The following ROBO1 variants were observed in gnomAD, a reference collection of about 807,000 sequenced individuals.
The protein encoded by ROBO1 is roundabout guidance receptor 1, also known as roundabout homolog 1.
Under a neutral mutation model 195.9 loss-of-function variants are expected in ROBO1, and 149 were observed. The ratio of observed to expected loss-of-function variants is 0.76; its 90% confidence interval spans 0.67 to 0.87. The LOEUF (loss-of-function observed/expected upper bound fraction) is 0.87. Ranked by LOEUF, ROBO1 falls within the 40% of genes least tolerant of loss-of-function variation. The pLI is 0.00. For missense variants in ROBO1, 1,933 were observed against 2,068.3 expected (o/e 0.93, Z 1.27); for synonymous variants, 816 against 733.2 (o/e 1.11, Z -1.82).
chr3:78,611,767 A>T (rs1433223723), intron 28 of ROBO1, among the ~76,000 whole-genome samples: 1 of 152,170 alleles, frequency 6.6e-6, no homozygotes, highest in Non-Finnish European at 1.5e-5. Context: ...AGTTAAAATG[A>T]GGTCACCGGG....
intron 1 of ROBO1, among the ~76,000 whole-genome samples, chr3:79,603,515 A>G (rs897526926): frequency 2.2e-4 from 34 of 151,976 alleles, no homozygotes; most frequent in African/African-American, 7.7e-4. Flanking sequence ...ACTTGAGATC[A>G]ACTGCTGCTG....
chr3:79,003,743 C>T (rs996772817), intron 3 of ROBO1, among the ~76,000 whole-genome samples: 7 of 152,056 alleles, frequency 4.6e-5, no homozygotes, highest in Non-Finnish European at 1.0e-4. Context: ...GTATTTTAAC[C>T]CGGAAGCCTT....
chr3:79,766,361 C>T (rs141175633), intron 1 of ROBO1, among the ~76,000 whole-genome samples: 61 of 151,736 alleles, frequency 4.0e-4, no homozygotes, highest in African/African-American at 1.4e-3. Context: ...GGGGTGCACA[C>T]TAAGGATATT....
At chr3:79,298,881 T>A (rs1219080494) in intron 2 of ROBO1, among the ~76,000 whole-genome samples, 1 of 152,122 alleles carries the variant, frequency 6.6e-6, no homozygotes, top group Non-Finnish European at 1.5e-5. Flanking sequence ...AAGGAGAAAA[T>A]TACAGGTTAA....
intron 2 of ROBO1, among the ~76,000 whole-genome samples, chr3:79,467,001 C>T (rs1230116478): frequency 6.6e-6 from 1 of 152,062 alleles, no homozygotes; most frequent in Non-Finnish European, 1.5e-5. Context: ...AAAATGAAGG[C>T]TAGTAATACC....
chr3:79,520,472 T>G (rs961862628), intron 2 of ROBO1, among the ~76,000 whole-genome samples: 1 of 152,164 alleles, frequency 6.6e-6, no homozygotes, highest in African/African-American at 2.4e-5. Context: ...AGTATAGAAC[T>G]CAGGAGATAA....
intron 4 of ROBO1, among the ~76,000 whole-genome samples, chr3:78,773,228 C>G (rs1274916097): frequency 6.6e-6 from 1 of 151,896 alleles, no homozygotes; most frequent in Non-Finnish European, 1.5e-5. Flanking sequence ...AAGAGATATA[C>G]AGGTACAAAA....
chr3:79,364,473 G>T (rs1205638149), intron 2 of ROBO1, among the ~76,000 whole-genome samples: 1 of 151,436 alleles, frequency 6.6e-6, no homozygotes, highest in Non-Finnish European at 1.5e-5. Flanking sequence ...CTCCCTTCAT[G>T]CCACTCATAT....
At chr3:78,801,517 A>C (rs1160559759) in intron 4 of ROBO1, among the ~76,000 whole-genome samples, 1 of 152,158 alleles carries the variant, frequency 6.6e-6, no homozygotes, top group Admixed American at 6.5e-5. Context: ...AAAAATACAC[A>C]GACATAAAAT....
At chr3:78,918,797 G>C (rs2038778535) in intron 4 of ROBO1, among the ~76,000 whole-genome samples, 2 of 151,952 alleles carry the variant, frequency 1.3e-5, no homozygotes, top group South Asian at 2.1e-4. Context: ...ACCTCATGTA[G>C]AACACAATAC....
chr3:79,118,235 GT>G (rs397874150), intron 3 of ROBO1, among the ~76,000 whole-genome samples: 796 of 141,796 alleles, frequency 5.6e-3, no homozygotes, highest in Non-Finnish European at 5.9e-3. Context: ...AATTGTGTGG[GT>G]TTTTTTTTTT....
chr3:79,700,015 T>A (rs1472381483), intron 1 of ROBO1, among the ~76,000 whole-genome samples: 2 of 151,114 alleles, frequency 1.3e-5, no homozygotes, highest in Non-Finnish European at 3.0e-5. Context: ...CTTCCCAACA[T>A]CTGTTGTTGC....
At chr3:78,865,260 T>C (rs953344839) in intron 4 of ROBO1, among the ~76,000 whole-genome samples, 3 of 152,184 alleles carry the variant, frequency 2.0e-5, no homozygotes, top group African/African-American at 7.2e-5. Context: ...AATAAATTGC[T>C]GTGAAAATTG....
chr3:78,615,060 A>G (rs1490255495), intron 27 of ROBO1, among the ~76,000 whole-genome samples: 1 of 152,172 alleles, frequency 6.6e-6, no homozygotes, highest in Non-Finnish European at 1.5e-5. Context: ...AAAGTTCATG[A>G]TACCTATTTA....
At chr3:79,398,780 A>C (rs971703503) in intron 2 of ROBO1, among the ~76,000 whole-genome samples, 2 of 152,070 alleles carry the variant, frequency 1.3e-5, no homozygotes, top group African/African-American at 2.4e-5. Context: ...ATAACCCTAA[A>C]AGTACTGATT....
intron 3 of ROBO1, among the ~76,000 whole-genome samples, chr3:78,988,016 T>G (rs1028922640): frequency 8.5e-5 from 13 of 152,258 alleles, no homozygotes; most frequent in African/African-American, 3.1e-4. Flanking sequence ...ACTTGTTTTC[T>G]ACACGCAATG....
At chr3:79,276,058 C>A (rs1362182558) in intron 2 of ROBO1, among the ~76,000 whole-genome samples, 1 of 151,940 alleles carries the variant, frequency 6.6e-6, no homozygotes, top group African/African-American at 2.4e-5. Flanking sequence ...CCAAACCAAT[C>A]TACAGATTCA....
chr3:79,144,855 C>T (rs1263831286), intron 2 of ROBO1, among the ~76,000 whole-genome samples: 7 of 151,854 alleles, frequency 4.6e-5, no homozygotes, highest in Non-Finnish European at 1.0e-4. Flanking sequence ...CTGTGAATAG[C>T]AATGTATCTT....
chr3:78,664,641 C>T (rs1707628732), intron 14 of ROBO1, among the ~76,000 whole-genome samples: 1 of 152,214 alleles, frequency 6.6e-6, no homozygotes, highest in Admixed American at 6.5e-5. Context: ...TATATCTGTG[C>T]ACCTTTAGCT....
Sources: gnomAD v4.1 joint callset for allele counts (sites outside exome capture counted in the v4.1 genomes callset) on GRCh38, gnomAD v4.1.1 for gene constraint, MANE v1.5 for transcripts, NCBI Gene and HGNC (gene_info 2026-07-23, HGNC 2026-07-21) for gene names.